Variants in ARK2C observed in about 807,000 individuals in gnomAD.
ARK2C encodes the protein arkadia (RNF111) C-terminal like ring finger ubiquitin ligase 2C, also known as E3 ubiquitin-protein ligase ARK2C.
chr18:46,392,811 G>A, the ARK2C span, among the ~76,000 whole-genome samples: 27 of 152,300 alleles, frequency 1.8e-4, no homozygotes, highest in African/African-American at 4.1e-4. Flanking sequence ...CAGTGGCACC[G>A]CTCCTGCACC....
chr18:46,451,309 G>A, the ARK2C span, among the ~76,000 whole-genome samples: 1 of 152,156 alleles, frequency 6.6e-6, no homozygotes, highest in East Asian at 1.9e-4. Flanking sequence ...TCCTAAGTCT[G>A]TAGAGGTAGA....
chr18:46,446,399 G>A, the ARK2C span, among the ~76,000 whole-genome samples: 1 of 152,044 alleles, frequency 6.6e-6, no homozygotes, highest in Admixed American at 6.6e-5. Flanking sequence ...GGCTGGGTGT[G>A]GTGGCTCATG....
the ARK2C span, among the ~76,000 whole-genome samples, chr18:46,411,326 GAA>G: frequency 6.6e-6 from 1 of 152,224 alleles, no homozygotes; most frequent in South Asian, 2.1e-4. Context: ...CTGGAGAAAG[GAA>G]AGAGATTTCC....
chr18:46,433,440 C>T, the ARK2C span: 2 of 1,613,354 alleles, frequency 1.2e-6, no homozygotes, highest in South Asian at 1.1e-5. Flanking sequence ...AGGCCCTGCA[C>T]CAGCAATACC....
At chr18:46,382,707 T>A in the ARK2C span, among the ~76,000 whole-genome samples, 3,673 of 152,238 alleles carry the variant, frequency 0.024, 154 homozygotes, top group African/African-American at 0.085. Context: ...TGTGATTTCC[T>A]CTGTGTGCAG....
the ARK2C span, chr18:46,456,387 A>C: frequency 1.4e-6 from 1 of 717,136 alleles, no homozygotes; most frequent in Non-Finnish European, 2.4e-6. Context: ...CGGAGGCTTC[A>C]TGGTTTCCCA....
At chr18:46,363,429 A>G in the ARK2C span, among the ~76,000 whole-genome samples, 2 of 152,232 alleles carry the variant, frequency 1.3e-5, no homozygotes, top group Non-Finnish European at 2.9e-5. Flanking sequence ...TCCGGCCATC[A>G]GGGGCATGTG....
At chr18:46,349,024 A>G in the ARK2C span, among the ~76,000 whole-genome samples, 1 of 151,620 alleles carries the variant, frequency 6.6e-6, no homozygotes, top group Non-Finnish European at 1.5e-5. Flanking sequence ...TGGGTCATCT[A>G]GCTCAAGACT....
the ARK2C span, among the ~76,000 whole-genome samples, chr18:46,455,479 A>T: frequency 1.3e-5 from 2 of 152,190 alleles, no homozygotes; most frequent in African/African-American, 2.4e-5. Flanking sequence ...AATGATGTCC[A>T]CTTGACCTCT....
chr18:46,337,600 C>T, the ARK2C span: 3 of 984,824 alleles, frequency 3.0e-6, no homozygotes, highest in Non-Finnish European at 3.6e-6. Flanking sequence ...ACACAGAATC[C>T]ACTAATACTA....
At chr18:46,390,661 C>G in the ARK2C span, among the ~76,000 whole-genome samples, 1 of 152,310 alleles carries the variant, frequency 6.6e-6, no homozygotes, top group East Asian at 1.9e-4. Context: ...CATCAGCCCC[C>G]ATTCAGCAGC....
At chr18:46,353,648 G>A in the ARK2C span, among the ~76,000 whole-genome samples, 3 of 152,204 alleles carry the variant, frequency 2.0e-5, no homozygotes, top group South Asian at 4.1e-4. Flanking sequence ...TGGGAGTGAC[G>A]GGGCCCTGGA....
the ARK2C span, chr18:46,336,880 G>A: frequency 1.0e-6 from 1 of 985,292 alleles, no homozygotes; most frequent in Admixed American, 6.1e-5. Flanking sequence ...TTAAACATAT[G>A]TATTAAAAAA....
At chr18:46,417,501 T>C in the ARK2C span, among the ~76,000 whole-genome samples, 2 of 152,266 alleles carry the variant, frequency 1.3e-5, no homozygotes, top group African/African-American at 4.8e-5. Context: ...TTTGCCTGGA[T>C]ATCTGCCAGT....
At chr18:46,363,258 G>T in the ARK2C span, among the ~76,000 whole-genome samples, 1 of 152,216 alleles carries the variant, frequency 6.6e-6, no homozygotes, top group East Asian at 1.9e-4. Flanking sequence ...GGACCCTGAA[G>T]ATGAGCAGCA....
chr18:46,406,073 T>TCA, the ARK2C span, among the ~76,000 whole-genome samples: 45 of 151,898 alleles, frequency 3.0e-4, no homozygotes, highest in Non-Finnish European at 5.9e-4. Flanking sequence ...ACATACACAC[T>TCA]CACACACTGA....
At chr18:46,434,283 A>G in the ARK2C span, among the ~76,000 whole-genome samples, 4 of 152,198 alleles carry the variant, frequency 2.6e-5, no homozygotes, top group Admixed American at 6.5e-5. Flanking sequence ...TTGACTATTG[A>G]TGTTTACCAT....
chr18:46,441,895 T>G, the ARK2C span, among the ~76,000 whole-genome samples: 2 of 141,134 alleles, frequency 1.4e-5, no homozygotes, highest in Admixed American at 7.5e-5. Context: ...CCGGGCGCGG[T>G]GGCTCACGCC....
the ARK2C span, among the ~76,000 whole-genome samples, chr18:46,369,148 T>G: frequency 3.9e-5 from 6 of 152,194 alleles, no homozygotes; most frequent in South Asian, 4.1e-4. Flanking sequence ...AAAGGCCATG[T>G]TTTTGTTTTC....
Sources: allele counts gnomAD v4.1 joint callset (sites outside exome capture counted in the v4.1 genomes callset), GRCh38; gene constraint gnomAD v4.1.1; transcripts MANE v1.5; gene names NCBI Gene and HGNC (gene_info 2026-07-23, HGNC 2026-07-21).